Variants in UBL3 observed in about 807,000 individuals in gnomAD.
UBL3 encodes ubiquitin-like protein 3.
In UBL3, 6 loss-of-function variants were observed where a neutral mutation model predicts 18.4. That is an observed-to-expected ratio of 0.33 (90% confidence interval 0.18 to 0.64). The LOEUF is 0.64. Among genes scored for constraint, UBL3 ranks in the 30% least tolerant of loss-of-function variants. The pLI is 0.76. For synonymous variants in UBL3, 49 were observed against 46.6 expected, an observed-to-expected ratio of 1.05 and a Z score of -0.21; for missense variants, 109 against 142.9, an observed-to-expected ratio of 0.76 and a Z score of 1.21.
intron 1 of UBL3, among the ~76,000 whole-genome samples, chr13:29,819,860 C>T (rs984680767): frequency 6.6e-6 from 1 of 152,110 alleles, no homozygotes; most frequent in South Asian, 2.1e-4. Flanking sequence ...ACCTCTATCA[C>T]AGGAGATAAT....
intron 2 of UBL3, among the ~76,000 whole-genome samples, chr13:29,774,242 T>A (rs1468253806): frequency 1.3e-5 from 2 of 152,108 alleles, no homozygotes; most frequent in Non-Finnish European, 2.9e-5. Flanking sequence ...TTAAACTAAT[T>A]TTAATATCTA....
intron 2 of UBL3, among the ~76,000 whole-genome samples, chr13:29,775,494 ACTG>A (rs1311822044): frequency 1.3e-5 from 2 of 152,202 alleles, no homozygotes; most frequent in East Asian, 3.8e-4. Context: ...TCAAATTGCT[ACTG>A]CTAATAAAAT....
intron 1 of UBL3, among the ~76,000 whole-genome samples, chr13:29,810,966 T>C (rs1254316577): frequency 6.6e-6 from 1 of 152,094 alleles, no homozygotes; most frequent in Admixed American, 6.6e-5. Flanking sequence ...TAGCTATGTA[T>C]AGACCCTTGA....
Position 29,767,212 on chromosome 13 carries a change from T to C in UBL3, c.*43A>G. The C allele has an allele frequency of 6.2e-7, 1 of 1,606,396 alleles. No homozygotes were observed. Among genetic ancestry groups the C allele is most frequent in the Non-Finnish European group, 8.5e-7 (1 of 1,175,096 alleles). On this transcript the variant is annotated 3_prime_UTR_variant, in exon 5 of 5. Coordinates refer to ENST00000380680, the MANE Select transcript of UBL3 (RefSeq NM_007106.4). ...TCGGGTCTTTTCTGTCCCAGCAGCA[T>C]GAAAGACAAAGACTATATCACATCA...
intron 1 of UBL3, among the ~76,000 whole-genome samples, chr13:29,839,787 C>T (rs571191131): frequency 2.4e-4 from 37 of 151,998 alleles, no homozygotes; most frequent in Non-Finnish European, 5.0e-4. Context: ...ATTAGCTGGG[C>T]GTGGTGGCGG....
intron 1 of UBL3, among the ~76,000 whole-genome samples, chr13:29,793,305 G>C (rs1211623852): frequency 2.6e-5 from 4 of 152,152 alleles, no homozygotes; most frequent in African/African-American, 7.2e-5. Context: ...CAAAGCCATG[G>C]ACATGAAAAG....
At chr13:29,832,142 C>T (rs1330942641) in intron 1 of UBL3, among the ~76,000 whole-genome samples, 1 of 152,130 alleles carries the variant, frequency 6.6e-6, no homozygotes, top group Non-Finnish European at 1.5e-5. Context: ...GTGCTAGACA[C>T]AGCAGTTTAG....
intron 2 of UBL3, among the ~76,000 whole-genome samples, chr13:29,776,668 C>A (rs529407435): frequency 6.6e-6 from 1 of 151,762 alleles, no homozygotes; most frequent in Non-Finnish European, 1.5e-5. Context: ...GTCAAGAGAT[C>A]GAGACCATCC....
intron 1 of UBL3, 84 bp downstream of exon 1, chr13:29,849,428 C>A (rs1879311954): frequency 1.3e-6 from 2 of 1,596,010 alleles, no homozygotes; most frequent in African/African-American, 2.7e-5. Context: ...CCCAGCAAAT[C>A]TTCGCCCCAC....
intron 1 of UBL3, among the ~76,000 whole-genome samples, chr13:29,848,430 C>A (rs1566004149): frequency 1.3e-5 from 2 of 151,694 alleles, no homozygotes. Flanking sequence ...GCACTCCAGC[C>A]TGGGCAACAA....
chr13:29,850,289 G>A lies in UBL3; in HGVS notation c.-751C>T, dbSNP rs931828832. The A allele has an allele frequency of 6.5e-6, 1 of 152,714 alleles. No individual in the cohort carries two copies. Among genetic ancestry groups the A allele is most frequent in the African/African-American group, 2.4e-5 (1 of 41,240 alleles). 9.5% of individuals were successfully genotyped at this position (152,714 alleles called of 1,614,324 possible). A position where few individuals can be genotyped will look rare whatever the true frequency, so the allele number is the denominator to read the frequency against. On this transcript the variant is annotated 5_prime_UTR_variant, in exon 1 of 5. Coordinates refer to ENST00000380680, the MANE Select transcript of UBL3 (RefSeq NM_007106.4). Reference sequence around the variant, plus strand: ...CTGGGCTCAGGCCGCGGGCGCCTCCGGACAGCAGCTGGGGTCGGGGCGCAT... The same window carrying A: ...CTGGGCTCAGGCCGCGGGCGCCTCCAGACAGCAGCTGGGGTCGGGGCGCAT...
At chr13:29,798,953 A>G (rs1877686737) in intron 1 of UBL3, among the ~76,000 whole-genome samples, 1 of 152,188 alleles carries the variant, frequency 6.6e-6, no homozygotes, top group Admixed American at 6.5e-5. Context: ...TATTTTCCAG[A>G]TAAGGAAACT....
rs1876688476 is a variant in UBL3, at chr13:29,766,555, G to A, written c.*700C>T. On this transcript the variant is annotated 3_prime_UTR_variant, in exon 5 of 5. Coordinates refer to ENST00000380680, the MANE Select transcript of UBL3 (RefSeq NM_007106.4). ...CTGTCTAAACAAACACTCAGTTACT[G>A]TAGGACTCAAGAGTGCATGTCTTAA... The A allele has an allele frequency of 6.6e-6, 1 of 152,560 alleles. No homozygotes were observed. The highest frequency in any genetic ancestry group is 2.1e-4 in the South Asian group (1 of 4,830). The allele number at this position is 152,560 out of a possible 1,614,324, so 9.5% of individuals were successfully genotyped here.
rs555784129 is a variant in UBL3 at position 29,850,579 on chromosome 13, G to A, written c.-1041C>T. ...CTGTCATCGCCTCTCAAACCAACAT[G>A]GCGGCAGCGGCGGCGGCGGCGGCTG... On this transcript the variant is annotated 5_prime_UTR_variant, in exon 1 of 5. Transcript: ENST00000380680. 1 of 155,900 alleles carries A rather than the reference G, an allele frequency of 6.4e-6. No individual in the cohort carries two copies. The highest frequency in any genetic ancestry group is 6.5e-5 in the Admixed American group (1 of 15,336). The allele number at this position is 155,900 out of a possible 1,614,324, so 9.7% of individuals were successfully genotyped here.
intron 3 of UBL3, 150 bp downstream of exon 3, chr13:29,771,962 T>C: frequency 1.6e-6 from 1 of 635,706 alleles, no homozygotes; most frequent in Non-Finnish European, 2.7e-6. Context: ...GAATATACAA[T>C]GTGAAGGAGT....
At chr13:29,776,821 A>C (rs1877007163) in intron 2 of UBL3, among the ~76,000 whole-genome samples, 1 of 132,932 alleles carries the variant, frequency 7.5e-6, no homozygotes, top group South Asian at 2.4e-4. Context: ...CGGTGAGCTA[A>C]GATCACGCCA....
At chr13:29,776,869 CAAAAAAAAAAAAAAAAAAAAA>C (rs869080358) in intron 2 of UBL3, among the ~76,000 whole-genome samples, 1 of 62,702 alleles carries the variant, frequency 1.6e-5, no homozygotes, top group Non-Finnish European at 2.9e-5. Context: ...GACTCCATCT[CAAAAAAAAAAAAAAAAAAAAA>C]AAAAAAAAAA....
At chr13:29,779,639 T>C (rs543766709) in intron 1 of UBL3, among the ~76,000 whole-genome samples, 1 of 152,330 alleles carries the variant, frequency 6.6e-6, no homozygotes, top group South Asian at 2.1e-4. Flanking sequence ...AGTATATCCT[T>C]ACCATGGAAA....
chr13:29,824,019 C>T (rs1878550806), intron 1 of UBL3, among the ~76,000 whole-genome samples: 1 of 152,098 alleles, frequency 6.6e-6, no homozygotes, highest in East Asian at 1.9e-4. Flanking sequence ...CATCCATGTC[C>T]CTACAAAGGA....
Sources: gnomAD v4.1 joint callset for allele counts (sites outside exome capture counted in the v4.1 genomes callset) on GRCh38, gnomAD v4.1.1 for gene constraint, MANE v1.5 for transcripts, NCBI Gene and HGNC (gene_info 2026-07-23, HGNC 2026-07-21) for gene names.